The following GSR variants were observed in gnomAD, a reference collection of about 807,000 sequenced individuals.
GSR encodes the protein glutathione reductase, mitochondrial.
A neutral mutation model predicts 56.5 loss-of-function variants in GSR; 48 were observed. The ratio of observed to expected loss-of-function variants is 0.85; its 90% CI spans 0.67 to 1.08. The LOEUF (loss-of-function observed/expected upper bound fraction) is 1.08, where lower values mean the gene tolerates loss of function less well. Ranked by LOEUF, GSR falls within the 50% of genes least tolerant of loss-of-function variation. The pLI, the probability that GSR is intolerant of heterozygous loss-of-function variation, is 0.00. For synonymous variants in GSR, 264 were observed against 270.8 expected, an observed-to-expected ratio of 0.97 and a Z score of 0.25; for missense variants, 694 against 703.3, an observed-to-expected ratio of 0.99 and a Z score of 0.15.
chr8:30,721,900 C>A (rs1804551042), intron 1 of GSR, among the ~76,000 whole-genome samples: 1 of 151,806 alleles, frequency 6.6e-6, no homozygotes, highest in Non-Finnish European at 1.5e-5. Context: ...GCCTGTAGTC[C>A]CAGCTACTCA....
At chr8:30,725,863 CAG>C in intron 1 of GSR, among the ~76,000 whole-genome samples, 1 of 127,268 alleles carries the variant, frequency 7.9e-6, no homozygotes, top group East Asian at 2.2e-4. Context: ...GCCTGGGTGA[CAG>C]AGTGAGACTC....
intron 4 of GSR, among the ~76,000 whole-genome samples, chr8:30,707,721 A>G (rs1803962537): frequency 1.3e-5 from 2 of 152,104 alleles, no homozygotes; most frequent in South Asian, 4.2e-4. Context: ...TTGAGAGGAC[A>G]AGGTGGGCAG....
intron 4 of GSR, among the ~76,000 whole-genome samples, chr8:30,707,495 C>T (rs760041054): frequency 6.6e-6 from 1 of 152,046 alleles, no homozygotes; most frequent in Non-Finnish European, 1.5e-5. Flanking sequence ...GAAATCTCTA[C>T]AAAATATTTT....
chr8:30,713,416 T>C (rs1005565402), intron 1 of GSR, among the ~76,000 whole-genome samples: 6 of 152,134 alleles, frequency 3.9e-5, no homozygotes, highest in Admixed American at 1.3e-4. Context: ...TGGAGTATAG[T>C]GGCAAGATCT....
intron 1 of GSR, among the ~76,000 whole-genome samples, chr8:30,718,703 A>C (rs963064809): frequency 1.3e-5 from 2 of 152,138 alleles, no homozygotes; most frequent in African/African-American, 4.8e-5. Context: ...CAACACTGGC[A>C]GATTCCCCGG....
At position 30,680,885 on chromosome 8, in the gene GSR, T is replaced by C. The variant is rs200516297; in HGVS notation, c.1419+19A>G. The C allele has an allele frequency of 1.1e-5, 17 of 1,611,648 alleles. No individual in the cohort carries two copies. Among genetic ancestry groups the C allele is most frequent in the East Asian group, 2.2e-5 (1 of 44,878 alleles). On this transcript the variant is annotated intron_variant, in intron 12 of 12. Coordinates refer to ENST00000221130, the MANE Select transcript of GSR (RefSeq NM_000637.5). ...TCCATTTTGCAAGGCACTATTTAGT[T>C]TGCTGGATTTTTCCTTACCTTTTCT...
Position 30,689,296 on chromosome 8 carries a change from C to A in GSR, c.906G>T (p.Leu302Phe). Residue 302 changes from leucine to phenylalanine, a missense_variant, in exon 9 of 13, where the codon TTG becomes TTT. Physicochemically the swap from Leu to Phe is conservative, Grantham distance 22 (BLOSUM62 0). Transcript: ENST00000221130. The part of the protein sequence containing the change: ...FSQVKEVKKT[L>F]SGLEVSMVTA... ...TAACCATGCTGACTTCCAAGCCCGACAAAGTCTTTTTAACCTCCTTGACCT... is the reference window on the plus strand; with the variant it reads ...TAACCATGCTGACTTCCAAGCCCGAAAAAGTCTTTTTAACCTCCTTGACCT... The A allele has an allele frequency of 6.2e-7, 1 of 1,614,106 alleles. No individual in the cohort carries two copies. The highest frequency in any genetic ancestry group is 8.5e-7 in the Non-Finnish European group (1 of 1,179,952).
intron 8 of GSR, among the ~76,000 whole-genome samples, chr8:30,692,196 C>CTTTTTTTTTTT (rs71206279): frequency 1.0e-4 from 8 of 76,434 alleles, no homozygotes; most frequent in Admixed American, 2.2e-4. Flanking sequence ...TAAAATACAG[C>CTTTTTTTTTTT]TTTTTTTTTT....
At chr8:30,708,279 G>T in intron 3 of GSR, 138 bp from the exon 4 acceptor site, 1 of 732,686 alleles carries the variant, frequency 1.4e-6, no homozygotes. Flanking sequence ...TGTCTCCGAA[G>T]ACAGTCATCC....
At chr8:30,708,178 T>C (rs1563539469) in intron 3 of GSR, 37 bp from the exon 4 acceptor site, 1 of 1,439,920 alleles carries the variant, frequency 6.9e-7, no homozygotes, top group South Asian at 1.1e-5. Flanking sequence ...AGAAACAGGA[T>C]CTTCCCCTTC....
chr8:30,716,619 G>A (rs115186035), intron 1 of GSR, among the ~76,000 whole-genome samples: 54 of 152,178 alleles, frequency 3.5e-4, no homozygotes, highest in African/African-American at 1.2e-3. Flanking sequence ...ATGAGCCTGG[G>A]CAACAAGGTG....
intron 1 of GSR, among the ~76,000 whole-genome samples, chr8:30,713,794 TC>T (rs2081362725): frequency 6.6e-6 from 1 of 152,236 alleles, no homozygotes; most frequent in African/African-American, 2.4e-5. Flanking sequence ...GCCCAGCAAT[TC>T]TACTTTTACA....
chr8:30,685,977 C>T (rs149700035), intron 9 of GSR, among the ~76,000 whole-genome samples: 1 of 98,576 alleles, frequency 1.0e-5, no homozygotes, highest in African/African-American at 4.1e-5. Flanking sequence ...CAGAAAGAGA[C>T]TCTGCCTCAA....
chr8:30,725,881 CA>C (rs59192685), intron 1 of GSR, among the ~76,000 whole-genome samples: 994 of 60,068 alleles, frequency 0.017, 7 homozygotes, highest in African/African-American at 0.038. Flanking sequence ...GACTCCCTCT[CA>C]AAAAAAAAAA....
chr8:30,680,319 T>C (rs1159249889), intron 12 of GSR, among the ~76,000 whole-genome samples: 3 of 151,490 alleles, frequency 2.0e-5, no homozygotes, highest in Non-Finnish European at 4.4e-5. Context: ...TCCGCCTACC[T>C]TGGCCTCCCA....
At chr8:30,707,799 AT>A (rs1220146226) in intron 4 of GSR, among the ~76,000 whole-genome samples, 1 of 152,058 alleles carries the variant, frequency 6.6e-6, no homozygotes, top group Non-Finnish European at 1.5e-5. Context: ...TACTAAAAAA[AT>A]ACAAAAATTC....
chr8:30,683,199 CG>C (rs1803015635), intron 10 of GSR, among the ~76,000 whole-genome samples: 3 of 152,224 alleles, frequency 2.0e-5, no homozygotes, highest in Middle Eastern at 6.8e-3. Context: ...TAGACTCAAG[CG>C]ATCCCCCAAC....
intron 9 of GSR, among the ~76,000 whole-genome samples, 195 bp downstream of exon 9, chr8:30,688,966 A>G (rs1254226211): frequency 6.6e-6 from 1 of 152,140 alleles, no homozygotes. Flanking sequence ...AAGGAAAAGG[A>G]AAGAAGAGAA....
intron 11 of GSR, 87 bp from the exon 12 acceptor site, chr8:30,681,124 A>G (rs968976285): frequency 6.4e-6 from 7 of 1,085,648 alleles, no homozygotes; most frequent in Non-Finnish European, 8.5e-6. Context: ...GAAATACATA[A>G]CCTCAATCAA....
Sources: gnomAD v4.1 joint callset for allele counts (sites outside exome capture counted in the v4.1 genomes callset) on GRCh38, gnomAD v4.1.1 for gene constraint, MANE v1.5 for transcripts, NCBI Gene and HGNC (gene_info 2026-07-23, HGNC 2026-07-21) for gene names.